Variants in SH3PXD2B observed in about 807,000 individuals in gnomAD.
SH3PXD2B encodes the protein SH3 and PX domain-containing protein 2B.
A neutral mutation model predicts 73.1 loss-of-function variants in SH3PXD2B; 37 were observed. The observed-to-expected ratio is 0.51, with a 90% CI of 0.39 to 0.67. The LOEUF (loss-of-function observed/expected upper bound fraction) is 0.67. Ranked by LOEUF, SH3PXD2B falls within the 30% of genes least tolerant of loss-of-function variation. The probability of loss-of-function intolerance (pLI) is 0.00; values close to 1 mark genes in which losing one functional copy is unlikely to be tolerated. For missense variants in SH3PXD2B, 1,053 were observed against 1,197.8 expected (o/e 0.88, Z 1.78); for synonymous variants, 457 against 480.5 (o/e 0.95, Z 0.64).
intron 1 of SH3PXD2B, among the ~76,000 whole-genome samples, chr5:172,444,835 C>T (rs913133836): frequency 6.6e-6 from 1 of 152,136 alleles, no homozygotes; most frequent in Non-Finnish European, 1.5e-5. Context: ...CCTCTGGCCC[C>T]GAGCCCTGGC....
intron 5 of SH3PXD2B, 107 bp from the exon 6 acceptor site, chr5:172,373,922 C>T (rs759302871): frequency 4.1e-5 from 50 of 1,234,510 alleles, no homozygotes; most frequent in Non-Finnish European, 5.7e-5. Flanking sequence ...CCCACAACAT[C>T]ATCAGTGAAT....
chr5:172,373,857 T>C lies in SH3PXD2B; in HGVS notation c.402-42A>G, dbSNP rs745381500. On this transcript the variant is annotated intron_variant, in intron 5 of 12. Transcript: ENST00000311601. ...GGGGGTGGGAAGAGTAACGAGTCAGTACTTGCCATGTATTGACGTGAGTTA... is the reference window on the plus strand; with the variant it reads ...GGGGGTGGGAAGAGTAACGAGTCAGCACTTGCCATGTATTGACGTGAGTTA... The C allele has an allele frequency of 1.9e-6, 3 of 1,608,774 alleles. No individual in the cohort carries two copies. The South Asian group carries it at 3.3e-5, about 18-fold the overall frequency.
At chr5:172,347,223 T>A (rs1463862855) in intron 11 of SH3PXD2B, 60 bp downstream of exon 11, 4 of 1,524,140 alleles carry the variant, frequency 2.6e-6, no homozygotes, top group Non-Finnish European at 3.6e-6. Context: ...GAGGGGCTAG[T>A]GGACACCCCT....
rs542772827 is a variant in SH3PXD2B, at chr5:172,342,398, G to T, written c.1189-2482C>A. Among the ~76,000 whole-genome samples the T allele has an allele frequency of 2.2e-4, 33 of 152,272 alleles. No homozygotes were observed. The South Asian group carries it at 2.5e-3, about 11-fold the overall frequency. ...GAACACACAGCGGGTCCTGTAGAAG[G>T]GCCGTCGATCGGAGGAGAGTCAAAG... On this transcript the variant is annotated intron_variant, in intron 12 of 12. Transcript: ENST00000311601.
At chr5:172,406,704 G>T (rs1367267770) in intron 2 of SH3PXD2B, among the ~76,000 whole-genome samples, 1 of 152,130 alleles carries the variant, frequency 6.6e-6, no homozygotes, top group African/African-American at 2.4e-5. Flanking sequence ...AGTATTTCTG[G>T]GTTGAGGTAA....
At chr5:172,368,758 TA>T (rs1427676775) in intron 6 of SH3PXD2B, among the ~76,000 whole-genome samples, 1 of 106,052 alleles carries the variant, frequency 9.4e-6, no homozygotes, top group African/African-American at 3.6e-5. Context: ...TATATATATT[TA>T]ATATATAATA....
At chr5:172,379,357 TTCTCTC>T (rs140904910) in intron 5 of SH3PXD2B, among the ~76,000 whole-genome samples, 2 of 148,414 alleles carry the variant, frequency 1.3e-5, no homozygotes, top group African/African-American at 2.5e-5. Flanking sequence ...AGAGCTGGCT[TTCTCTC>T]TCTCTCTCTC....
intron 1 of SH3PXD2B, among the ~76,000 whole-genome samples, chr5:172,449,237 G>A (rs1759741472): frequency 6.6e-6 from 1 of 152,204 alleles, no homozygotes; most frequent in African/African-American, 2.4e-5. Flanking sequence ...TGAATAAATG[G>A]TGAGATCAGA....
chr5:172,446,415 C>T (rs1184568123), intron 1 of SH3PXD2B, among the ~76,000 whole-genome samples: 1 of 152,202 alleles, frequency 6.6e-6, no homozygotes, highest in African/African-American at 2.4e-5. Flanking sequence ...GCTCCCTTTC[C>T]TGCAGCTGCA....
At chr5:172,326,621 T>C (rs896865085) in intron 12 of SH3PXD2B, among the ~76,000 whole-genome samples, 4 of 152,108 alleles carry the variant, frequency 2.6e-5, no homozygotes, top group African/African-American at 7.2e-5. Context: ...AGAAGATAAA[T>C]ATATACTAGG....
chr5:172,426,199 C>G (rs1339463032), intron 1 of SH3PXD2B, among the ~76,000 whole-genome samples: 1 of 152,182 alleles, frequency 6.6e-6, no homozygotes, highest in African/African-American at 2.4e-5. Context: ...GAATCAACCC[C>G]TGAACACAAC....
At chr5:172,408,534 CTTTTTTTTTTTT>C (rs34377327) in intron 2 of SH3PXD2B, among the ~76,000 whole-genome samples, 1 of 92,670 alleles carries the variant, frequency 1.1e-5, no homozygotes, top group Non-Finnish European at 1.9e-5. Flanking sequence ...TGGGTTATCA[CTTTTTTTTTTTT>C]TTTTTTTTTG....
downstream of SH3PXD2B, among the ~76,000 whole-genome samples, chr5:172,329,603 T>C (rs1291659312): frequency 7.0e-6 from 1 of 142,072 alleles, no homozygotes; most frequent in African/African-American, 2.6e-5. Flanking sequence ...AGTGGCGCGA[T>C]CTCGGCTCAC....
chr5:172,348,661 A>ATCTATCTGTCTGTCTG (rs1482779002), intron 10 of SH3PXD2B, among the ~76,000 whole-genome samples: 2 of 30,686 alleles, frequency 6.5e-5, no homozygotes, highest in African/African-American at 1.9e-4. Context: ...TATCCTATCT[A>ATCTATCTGTCTGTCTG]TCTATCTATC....
At chr5:172,383,374 G>T (rs1757989845) in intron 4 of SH3PXD2B, among the ~76,000 whole-genome samples, 1 of 152,134 alleles carries the variant, frequency 6.6e-6, no homozygotes, top group African/African-American at 2.4e-5. Context: ...CTACTAACAG[G>T]TATTCATTCA....
At chr5:172,412,018 T>C (rs1758712777) in intron 2 of SH3PXD2B, among the ~76,000 whole-genome samples, 1 of 152,120 alleles carries the variant, frequency 6.6e-6, no homozygotes, top group Non-Finnish European at 1.5e-5. Context: ...TCTGCCTCTA[T>C]GAATCTGACT....
Position 172,350,487 on chromosome 5 carries a change from A to G in SH3PXD2B, c.888T>C (p.Gly296=). The change falls in exon 10 of 13, where the codon GGT becomes GGC. Residue 296 remains glycine (G), a synonymous_variant. Transcript: ENST00000311601. ...GGGAAACACCATCCAAGTCAAGGGCACCCGGGTGGGAGGGTGAGCCAGGGC... is the reference window on the plus strand; with the variant it reads ...GGGAAACACCATCCAAGTCAAGGGCGCCCGGGTGGGAGGGTGAGCCAGGGC... ...KPGPGSPSHP[G]ALDLDGVSRQ... is the part of the protein sequence containing the mutation. 1 of 1,613,994 alleles carries G rather than the reference A, an allele frequency of 6.2e-7. No homozygotes were observed. Among genetic ancestry groups the G allele is most frequent in the Non-Finnish European group, 8.5e-7 (1 of 1,180,000 alleles).
intron 5 of SH3PXD2B, among the ~76,000 whole-genome samples, chr5:172,378,066 A>C (rs922141585): frequency 6.6e-6 from 1 of 151,846 alleles, no homozygotes; most frequent in Non-Finnish European, 1.5e-5. Context: ...GAAGCCAGAG[A>C]GTACCACAAA....
rs190186795 is a variant in SH3PXD2B, at chr5:172,411,921, A to G, written c.157-5569T>C. 1.4e-3 allele frequency among the ~76,000 whole-genome samples: 220 copies of G among 151,966 alleles called. 3 individuals are homozygous for G. The highest frequency in any genetic ancestry group is 0.013 in the Admixed American group (197 of 15,272). Reference sequence around the variant, plus strand: ...TGTTGTGTAAACATCACCACCATCCATCTCTGGAACCTCTTCATCATCCAA... The same window carrying G: ...TGTTGTGTAAACATCACCACCATCCGTCTCTGGAACCTCTTCATCATCCAA... On this transcript the variant is annotated intron_variant, in intron 2 of 12. Transcript: ENST00000311601.
Sources: allele counts gnomAD v4.1 joint callset (sites outside exome capture counted in the v4.1 genomes callset), GRCh38; gene constraint gnomAD v4.1.1; transcripts MANE v1.5; gene names NCBI Gene and HGNC (gene_info 2026-07-23, HGNC 2026-07-21).